CCDC146: variants seen among roughly 807,000 people sequenced by gnomAD.
CCDC146 encodes coiled-coil domain-containing protein 146.
Under a neutral mutation model 119.3 loss-of-function variants are expected in CCDC146, and 92 were observed. That is an observed-to-expected ratio of 0.77 (90% CI 0.65 to 0.92). The LOEUF (loss-of-function observed/expected upper bound fraction) is 0.92, where lower values mean the gene tolerates loss of function less well. Ranked by LOEUF, CCDC146 falls within the 40% of genes least tolerant of loss-of-function variation. The probability of loss-of-function intolerance (pLI) is 0.00; values close to 1 mark genes in which losing one functional copy is unlikely to be tolerated. For missense variants in CCDC146, 1,000 were observed against 1,103.0 expected, an observed-to-expected ratio of 0.91 and a Z score of 1.32; for synonymous variants, 372 against 371.8, an observed-to-expected ratio of 1.00 and a Z score of -0.01.
intron 4 of CCDC146, among the ~76,000 whole-genome samples, chr7:77,244,495 T>C (rs1792909602): frequency 6.6e-6 from 1 of 152,194 alleles, no homozygotes; most frequent in Non-Finnish European, 1.5e-5. Flanking sequence ...TTTTATCTTT[T>C]ATGCCATATT....
At chr7:77,252,666 T>C (rs3114315) in intron 4 of CCDC146, among the ~76,000 whole-genome samples, 110,469 of 152,084 alleles carry the variant, frequency 0.73, 42,192 homozygotes, top group Non-Finnish European at 0.87. Flanking sequence ...AACGCATCAC[T>C]GTAACTGGCA....
chr7:77,170,436 T>A (rs1562821897), intron 2 of CCDC146, among the ~76,000 whole-genome samples: 1 of 152,226 alleles, frequency 6.6e-6, no homozygotes, highest in African/African-American at 2.4e-5. Context: ...GTGATGAATG[T>A]ATGAGTGCAT....
intron 14 of CCDC146, among the ~76,000 whole-genome samples, chr7:77,281,262 C>T (rs1793760457): frequency 1.3e-5 from 2 of 152,192 alleles, no homozygotes; most frequent in African/African-American, 4.8e-5. Flanking sequence ...CAGATTCTTT[C>T]AGCATAATTG....
intron 17 of CCDC146, among the ~76,000 whole-genome samples, chr7:77,289,455 A>T (rs1249821134): frequency 6.6e-6 from 1 of 152,214 alleles, no homozygotes; most frequent in Non-Finnish European, 1.5e-5. Flanking sequence ...TCCATTTAAA[A>T]TGATAATCTC....
intron 1 of CCDC146, among the ~76,000 whole-genome samples, chr7:77,148,725 C>T: frequency 6.6e-6 from 1 of 152,112 alleles, no homozygotes; most frequent in East Asian, 1.9e-4. Context: ...AACTCCCATT[C>T]ACAATTGCTT....
At chr7:77,235,904 T>C (rs1399548068) in intron 2 of CCDC146, among the ~76,000 whole-genome samples, 1 of 152,022 alleles carries the variant, frequency 6.6e-6, no homozygotes, top group African/African-American at 2.4e-5. Context: ...CCCCCATCCC[T>C]ACTAAAAATA....
chr7:77,283,723 C>G (rs561367208), intron 15 of CCDC146, among the ~76,000 whole-genome samples: 3 of 152,090 alleles, frequency 2.0e-5, no homozygotes, highest in African/African-American at 7.2e-5. Context: ...ATGCCCTAGA[C>G]AGTTTTAGAT....
intron 1 of CCDC146, among the ~76,000 whole-genome samples, chr7:77,143,595 A>G (rs13245028): frequency 0.093 from 14,157 of 152,064 alleles, 1,011 homozygotes; most frequent in Non-Finnish European, 0.13. Flanking sequence ...ATTTTGGTAT[A>G]AGGTGTAAGG....
At chr7:77,224,284 C>T (rs1366038034) in intron 2 of CCDC146, among the ~76,000 whole-genome samples, 2 of 152,180 alleles carry the variant, frequency 1.3e-5, no homozygotes, top group Non-Finnish European at 2.9e-5. Flanking sequence ...CCTTTTCCAG[C>T]TTCTGGAAGC....
intron 2 of CCDC146, among the ~76,000 whole-genome samples, chr7:77,222,884 C>T (rs1441966672): frequency 6.6e-6 from 1 of 152,206 alleles, no homozygotes; most frequent in Non-Finnish European, 1.5e-5. Flanking sequence ...CAACAGAATT[C>T]CTTCTGGTAC....
At chr7:77,254,596 A>C in intron 5 of CCDC146, 33 bp downstream of exon 5, 1 of 1,163,948 alleles carries the variant, frequency 8.6e-7, no homozygotes, top group Non-Finnish European at 1.3e-6. Flanking sequence ...TTTCTTAAAT[A>C]CAGCTGGATT....
chr7:77,284,227 T>G lies in CCDC146; in HGVS notation c.2148+1442T>G, dbSNP rs867100400. ...GGTATGTGGGGTTACATTACAGAAA[T>G]GCAAAGCACTTCAATTTGATATCAG... On this transcript the variant is annotated intron_variant, in intron 15 of 18. Coordinates refer to ENST00000285871, the MANE Select transcript of CCDC146 (RefSeq NM_020879.3). Among the ~76,000 whole-genome samples the G allele has an allele frequency of 5.3e-5, 8 of 152,316 alleles. No homozygotes were observed. In the South Asian group the frequency reaches 8.3e-4, roughly 16 times the overall value.
chr7:77,178,138 A>G (rs1334294788), intron 2 of CCDC146, among the ~76,000 whole-genome samples: 3 of 152,250 alleles, frequency 2.0e-5, no homozygotes, highest in African/African-American at 7.2e-5. Context: ...TGTACACTGC[A>G]GAAGAGGTCA....
intron 11 of CCDC146, among the ~76,000 whole-genome samples, chr7:77,277,353 CTA>C (rs1271707109): frequency 1.3e-5 from 2 of 152,140 alleles, no homozygotes; most frequent in African/African-American, 2.4e-5. Flanking sequence ...ACATGTATAT[CTA>C]TGTGTGACTA....
At chr7:77,256,537 C>T (rs763274547) in intron 6 of CCDC146, 28 bp downstream of exon 6, 2 of 1,564,496 alleles carry the variant, frequency 1.3e-6, no homozygotes, top group Non-Finnish European at 1.7e-6. Flanking sequence ...GATATTTAAA[C>T]ATTGTGCCTT....
intron 4 of CCDC146, among the ~76,000 whole-genome samples, chr7:77,249,486 CAA>C (rs36137608): frequency 0.52 from 50,420 of 96,108 alleles, 10,976 homozygotes; most frequent in Non-Finnish European, 0.62. Context: ...GACTCTGTCT[CAA>C]AAAAAAAAAA....
chr7:77,289,455 A>G (rs1249821134), intron 17 of CCDC146, among the ~76,000 whole-genome samples: 2 of 152,214 alleles, frequency 1.3e-5, no homozygotes, highest in South Asian at 2.1e-4. Flanking sequence ...TCCATTTAAA[A>G]TGATAATCTC....
In CCDC146 at chr7:77,135,756, T is replaced by C. The variant is rs190250745; in HGVS notation, c.-12+13024T>C. Among the ~76,000 whole-genome samples, 703 of 152,276 alleles carry C rather than the reference T, an allele frequency of 4.6e-3. 3 individuals are homozygous for C. Among genetic ancestry groups the C allele is most frequent in the African/African-American group, 0.016 (655 of 41,552 alleles). ...GGATGAAAAAAACAAGACCCAACCA[T>C]AGGATGTCTACAAGAAATCTACTTT... On this transcript the variant is annotated intron_variant, in intron 1 of 18. Coordinates refer to ENST00000285871, the MANE Select transcript of CCDC146 (RefSeq NM_020879.3).
At chr7:77,221,326 T>G (rs1327131734) in intron 2 of CCDC146, among the ~76,000 whole-genome samples, 5 of 152,234 alleles carry the variant, frequency 3.3e-5, no homozygotes, top group African/African-American at 1.2e-4. Context: ...ATTCAAAGGC[T>G]TTTAATATCC....
Sources: gnomAD v4.1 joint callset for allele counts (sites outside exome capture counted in the v4.1 genomes callset) on GRCh38, gnomAD v4.1.1 for gene constraint, MANE v1.5 for transcripts, NCBI Gene and HGNC (gene_info 2026-07-23, HGNC 2026-07-21) for gene names.